DDC: variants seen among roughly 807,000 people sequenced by gnomAD.
DDC encodes dopa decarboxylase.
DDC carries 43 observed loss-of-function variants against 60.0 expected under a neutral mutation model. The observed-to-expected ratio is 0.72, with a 90% confidence interval of 0.56 to 0.92. DDC has a LOEUF of 0.92. DDC is among the 40% of genes least tolerant of loss of function. The probability of loss-of-function intolerance (pLI) is 0.00; values close to 1 mark genes in which losing one functional copy is unlikely to be tolerated. For missense variants in DDC, 573 were observed against 620.2 expected (o/e 0.92, Z 0.81); for synonymous variants, 232 against 234.6 (o/e 0.99, Z 0.10).
At chr7:50,519,850 C>T (rs915866694) in intron 6 of DDC, among the ~76,000 whole-genome samples, 3 of 152,114 alleles carry the variant, frequency 2.0e-5, no homozygotes, top group African/African-American at 4.8e-5. Context: ...GGAATTTACT[C>T]ATGTAACCAA....
At chr7:50,467,592 G>A (rs1458318972) in intron 12 of DDC, among the ~76,000 whole-genome samples, 1 of 152,162 alleles carries the variant, frequency 6.6e-6, no homozygotes, top group African/African-American at 2.4e-5. Flanking sequence ...CTTTTATAAT[G>A]TTAGAATAAA....
At chr7:50,485,705 C>T (rs1378685316) in intron 9 of DDC, among the ~76,000 whole-genome samples, 1 of 152,106 alleles carries the variant, frequency 6.6e-6, no homozygotes, top group East Asian at 1.9e-4. Context: ...AGGTAGATCA[C>T]GTTACTGTAA....
At chr7:50,558,292 A>G (rs2045249053) in intron 1 of DDC, among the ~76,000 whole-genome samples, 1 of 152,204 alleles carries the variant, frequency 6.6e-6, no homozygotes, top group South Asian at 2.1e-4. Flanking sequence ...TTACAAACAC[A>G]GGACACCTGC....
chr7:50,556,319 C>T (rs147716578), intron 1 of DDC, among the ~76,000 whole-genome samples: 2 of 152,314 alleles, frequency 1.3e-5, no homozygotes, highest in East Asian at 3.9e-4. Context: ...TTCTCATAGA[C>T]ATAGCCTTCT....
At chr7:50,541,481 G>A (rs1337845400) in intron 2 of DDC, 1 of 152,238 alleles carries the variant, frequency 6.6e-6, no homozygotes, top group Non-Finnish European at 1.5e-5. Flanking sequence ...CAGCGTCTTT[G>A]GGAGGTGATT....
chr7:50,526,002 G>C (rs928035703), intron 6 of DDC, among the ~76,000 whole-genome samples: 1 of 151,964 alleles, frequency 6.6e-6, no homozygotes, highest in Non-Finnish European at 1.5e-5. Context: ...TGGGAGGAGA[G>C]AGGAAATGAG....
intron 1 of DDC, among the ~76,000 whole-genome samples, chr7:50,558,499 C>A (rs1223362962): frequency 6.6e-6 from 1 of 152,192 alleles, no homozygotes; most frequent in African/African-American, 2.4e-5. Flanking sequence ...TCCTGAGAAT[C>A]TGTTGAACTT....
chr7:50,499,227 A>C lies in DDC; in HGVS notation c.797T>G (p.Ile266Arg). 6 of 1,613,294 alleles carry C rather than the reference A, an allele frequency of 3.7e-6. No individual in the cohort carries two copies. Among genetic ancestry groups the C allele is most frequent in the Non-Finnish European group, 5.1e-6 (6 of 1,179,676 alleles). Residue 266 changes from isoleucine to arginine, a missense_variant, in exon 8 of 15, where the codon ATA becomes AGA. Physicochemically the swap from Ile to Arg is moderately conservative, Grantham distance 97. Transcript: ENST00000444124. ...EVGPICNKED[I>R]WLHVDAAYAG... is the part of the protein sequence containing the mutation. Reference sequence around the variant, plus strand: ...GTAGGCTGCATCAACGTGCAGCCATATGTCTTCCTTGTTGCCTAAAGTTCA... The same window carrying C: ...GTAGGCTGCATCAACGTGCAGCCATCTGTCTTCCTTGTTGCCTAAAGTTCA...
At chr7:50,504,231 G>A (rs916501482) in intron 6 of DDC, among the ~76,000 whole-genome samples, 172 bp from the exon 7 acceptor site, 2 of 152,198 alleles carry the variant, frequency 1.3e-5, no homozygotes, top group African/African-American at 4.8e-5. Flanking sequence ...ATCTTTGGGT[G>A]AAAGCATCAT....
At chr7:50,506,464 G>A (rs2043398598) in intron 6 of DDC, among the ~76,000 whole-genome samples, 1 of 152,112 alleles carries the variant, frequency 6.6e-6, no homozygotes, top group Non-Finnish European at 1.5e-5. Flanking sequence ...GTACAAACCT[G>A]CACGTTGTGC....
intron 1 of DDC, among the ~76,000 whole-genome samples, chr7:50,557,450 A>C (rs1585294541): frequency 6.6e-6 from 1 of 152,240 alleles, no homozygotes; most frequent in South Asian, 2.1e-4. Context: ...AAACTGATTG[A>C]TATTATTCCA....
chr7:50,502,127 T>G (rs1281747909), intron 7 of DDC, among the ~76,000 whole-genome samples: 1 of 152,090 alleles, frequency 6.6e-6, no homozygotes, highest in Non-Finnish European at 1.5e-5. Flanking sequence ...ATTCTGCCAA[T>G]GGATGAAAGG....
intron 7 of DDC, among the ~76,000 whole-genome samples, chr7:50,503,180 G>A (rs865825413): frequency 6.6e-6 from 1 of 152,252 alleles, no homozygotes; most frequent in South Asian, 2.1e-4. Context: ...ACAGGTATGT[G>A]ATCTGAAGGC....
chr7:50,470,016 T>A, intron 12 of DDC, 57 bp downstream of exon 12: 3 of 1,083,488 alleles, frequency 2.8e-6, no homozygotes, highest in Non-Finnish European at 4.3e-6. Flanking sequence ...AATTTATTTC[T>A]AAAGTCCCGA....
intron 14 of DDC, among the ~76,000 whole-genome samples, chr7:50,460,446 C>T (rs1432262349): frequency 5.3e-5 from 8 of 150,754 alleles, no homozygotes; most frequent in East Asian, 2.0e-4. Flanking sequence ...CCGCCCCGTC[C>T]GGCCAGCCAC....
At chr7:50,534,326 A>G (rs2044317066) in intron 4 of DDC, among the ~76,000 whole-genome samples, 1 of 151,980 alleles carries the variant, frequency 6.6e-6, no homozygotes, top group Non-Finnish European at 1.5e-5. Context: ...CCGATCTCCT[A>G]CAGCTCACAC....
At chr7:50,488,913 CTT>C (rs1321843498) in intron 9 of DDC, among the ~76,000 whole-genome samples, 1 of 152,172 alleles carries the variant, frequency 6.6e-6, no homozygotes, top group Non-Finnish European at 1.5e-5. Context: ...GCTCCTTTAA[CTT>C]TTTCCCCTCT....
intron 6 of DDC, among the ~76,000 whole-genome samples, chr7:50,523,266 T>C (rs755145267): frequency 5.9e-5 from 9 of 152,206 alleles, no homozygotes; most frequent in Admixed American, 2.0e-4. Context: ...GGATTGATGA[T>C]GAATTTTTGG....
chr7:50,494,304 G>A (rs1328392179), intron 9 of DDC, among the ~76,000 whole-genome samples: 1 of 152,198 alleles, frequency 6.6e-6, no homozygotes, highest in African/African-American at 2.4e-5. Flanking sequence ...TCAGGAGATC[G>A]AGACCATCCT....
Sources: gnomAD v4.1 joint callset for allele counts (sites outside exome capture counted in the v4.1 genomes callset) on GRCh38, gnomAD v4.1.1 for gene constraint, MANE v1.5 for transcripts, NCBI Gene and HGNC (gene_info 2026-07-23, HGNC 2026-07-21) for gene names.